Variants in ZNF521 observed in about 807,000 individuals in gnomAD.
ZNF521 encodes zinc finger protein 521.
ZNF521 carries 14 observed loss-of-function variants against 105.5 expected under a neutral mutation model. The observed-to-expected ratio is 0.13, with a 90% CI of 0.09 to 0.21. The LOEUF is 0.21. ZNF521 is among the 10% of genes least tolerant of loss of function. The pLI is 1.00. For synonymous variants in ZNF521, 635 were observed against 606.0 expected (o/e 1.05, Z -0.70); for missense variants, 1,233 against 1,629.7 (o/e 0.76, Z 4.19).
intron 5 of ZNF521, among the ~76,000 whole-genome samples, chr18:25,110,447 A>C (rs1414035304): frequency 1.3e-5 from 2 of 152,138 alleles, no homozygotes; most frequent in Non-Finnish European, 2.9e-5. Flanking sequence ...GAGACCAAAA[A>C]AGAAAGAAAA....
chr18:25,287,077 T>C lies in ZNF521; in HGVS notation c.220+34931A>G, dbSNP rs1910747133. Among the ~76,000 whole-genome samples, 4 of 152,198 alleles carry C rather than the reference T, an allele frequency of 2.6e-5. No homozygotes were observed. In the South Asian group the frequency reaches 8.3e-4, roughly 31 times the overall value. ...ATCTAGCTTAAAATACCTTCTTTGCTATAAGGAAAATGCTTCTCTGTAACT... is the reference window on the plus strand; with the variant it reads ...ATCTAGCTTAAAATACCTTCTTTGCCATAAGGAAAATGCTTCTCTGTAACT... On this transcript the variant is annotated intron_variant, in intron 3 of 7. Coordinates refer to ENST00000361524, the MANE Select transcript of ZNF521 (RefSeq NM_015461.3).
chr18:25,090,240 A>AG (rs2033714643), intron 6 of ZNF521, among the ~76,000 whole-genome samples: 2 of 152,212 alleles, frequency 1.3e-5, no homozygotes, highest in Admixed American at 6.5e-5. Context: ...TGCCAGAGGC[A>AG]GTGTTTGGGT....
At chr18:25,092,512 A>G (rs2033767321) in intron 5 of ZNF521, among the ~76,000 whole-genome samples, 1 of 152,206 alleles carries the variant, frequency 6.6e-6, no homozygotes, top group Non-Finnish European at 1.5e-5. Context: ...ATAGGTCTTC[A>G]GTGGTATTCA....
At position 25,318,480 on chromosome 18, in the gene ZNF521, C is replaced by T. The variant is rs1236544581; in HGVS notation, c.220+3528G>A. Among the ~76,000 whole-genome samples, 4 of 152,122 alleles carry T rather than the reference C, an allele frequency of 2.6e-5. No individual in the cohort carries two copies. In the East Asian group the frequency reaches 7.7e-4, roughly 29 times the overall value. ...TATGTAAATGTGGCACTAAAAATTA[C>T]AGCATTAACAATTATAAACAAATAT... On this transcript the variant is annotated intron_variant, in intron 3 of 7. Coordinates refer to ENST00000361524, the MANE Select transcript of ZNF521 (RefSeq NM_015461.3).
At chr18:25,303,267 C>A (rs1414718183) in intron 3 of ZNF521, among the ~76,000 whole-genome samples, 5 of 139,022 alleles carry the variant, frequency 3.6e-5, no homozygotes, top group Non-Finnish European at 7.7e-5. Flanking sequence ...CTCTTTCTTT[C>A]TTTCGTGTGT....
At position 25,250,087 on chromosome 18, in the gene ZNF521, C is replaced by T. The variant is rs547366876; in HGVS notation, c.221-22390G>A. ...GGGAGTAGCTGGGACTACAGGTGCC[C>T]GCCACCACTCCCGGCTAATTTTTTT... On this transcript the variant is annotated intron_variant, in intron 3 of 7. Transcript: ENST00000361524. Among the ~76,000 whole-genome samples, 148 of 152,098 alleles carry T rather than the reference C, an allele frequency of 9.7e-4. 1 individual carries two copies. The highest frequency in any genetic ancestry group is 3.2e-3 in the African/African-American group (132 of 41,478).
intron 6 of ZNF521, among the ~76,000 whole-genome samples, chr18:25,091,503 T>C (rs953638840): frequency 6.6e-6 from 1 of 152,182 alleles, no homozygotes; most frequent in Admixed American, 6.5e-5. Context: ...TTTAATACTA[T>C]CTTTGTATTT....
chr18:25,306,971 A>G (rs193275267), intron 3 of ZNF521, among the ~76,000 whole-genome samples: 183 of 152,286 alleles, frequency 1.2e-3, no homozygotes, highest in African/African-American at 4.3e-3. Flanking sequence ...AACACAAGCA[A>G]AAAGGGAACC....
chr18:25,113,217 G>C (rs2034230900), intron 5 of ZNF521, among the ~76,000 whole-genome samples: 1 of 151,996 alleles, frequency 6.6e-6, no homozygotes, highest in Non-Finnish European at 1.5e-5. Flanking sequence ...TGCTTCCCAA[G>C]TTTTCCTCAG....
chr18:25,113,425 G>A (rs2034235407), intron 5 of ZNF521, among the ~76,000 whole-genome samples: 1 of 152,090 alleles, frequency 6.6e-6, no homozygotes, highest in Admixed American at 6.6e-5. Context: ...TTGTGCTCAT[G>A]GATTATGTAT....
chr18:25,185,115 G>A (rs2035698676), intron 5 of ZNF521, among the ~76,000 whole-genome samples: 1 of 152,098 alleles, frequency 6.6e-6, no homozygotes, highest in Admixed American at 6.6e-5. Context: ...ATCCCATCTA[G>A]ACCTCTATTT....
At chr18:25,292,514 T>C (rs916640225) in intron 3 of ZNF521, among the ~76,000 whole-genome samples, 1 of 152,188 alleles carries the variant, frequency 6.6e-6, no homozygotes, top group Non-Finnish European at 1.5e-5. Context: ...GTGTTTTCTT[T>C]TGTGTCCCTG....
chr18:25,070,247 C>T (rs1183150508), intron 7 of ZNF521, among the ~76,000 whole-genome samples: 3 of 152,130 alleles, frequency 2.0e-5, no homozygotes, highest in Non-Finnish European at 4.4e-5. Flanking sequence ...ATCATACCTC[C>T]CATAGGAAAC....
intron 2 of ZNF521, among the ~76,000 whole-genome samples, chr18:25,324,849 C>T (rs1913126454): frequency 6.6e-6 from 1 of 152,178 alleles, no homozygotes; most frequent in Admixed American, 6.5e-5. Context: ...GATGGCTTCG[C>T]TCTCAAAAGC....
intron 7 of ZNF521, among the ~76,000 whole-genome samples, chr18:25,085,804 T>A (rs928925154): frequency 6.6e-6 from 1 of 151,938 alleles, no homozygotes; most frequent in Non-Finnish European, 1.5e-5. Flanking sequence ...AAAAAATGCT[T>A]CATATTTTCA....
At chr18:25,086,595 T>TC (rs2033628504) in intron 7 of ZNF521, among the ~76,000 whole-genome samples, 1 of 152,142 alleles carries the variant, frequency 6.6e-6, no homozygotes. Flanking sequence ...GTAGTCAATA[T>TC]CTCATCTCAG....
At chr18:25,126,020 T>C (rs1175249033) in intron 5 of ZNF521, among the ~76,000 whole-genome samples, 1 of 152,014 alleles carries the variant, frequency 6.6e-6, no homozygotes. Context: ...CTTTATACAG[T>C]TTTTAGTTAG....
chr18:25,339,826 T>C (rs139863321), intron 2 of ZNF521, among the ~76,000 whole-genome samples: 5 of 152,190 alleles, frequency 3.3e-5, no homozygotes, highest in African/African-American at 9.6e-5. Flanking sequence ...TTAAGTTAGG[T>C]GGGTCGGAAA....
chr18:25,128,535 T>C (rs780220796), intron 5 of ZNF521, among the ~76,000 whole-genome samples: 4 of 151,960 alleles, frequency 2.6e-5, no homozygotes, highest in Non-Finnish European at 5.9e-5. Flanking sequence ...GAATACGTGA[T>C]TGCCTATGTA....
Sources: allele counts gnomAD v4.1 joint callset (sites outside exome capture counted in the v4.1 genomes callset), GRCh38; gene constraint gnomAD v4.1.1; transcripts MANE v1.5; gene names NCBI Gene and HGNC (gene_info 2026-07-23, HGNC 2026-07-21).